The following SBF2 variants were observed in gnomAD, a reference collection of about 807,000 sequenced individuals.
SBF2 encodes the protein SET binding factor 2, also known as myotubularin-related protein 13.
In SBF2, 112 loss-of-function variants were observed where a neutral mutation model predicts 225.2. That is an observed-to-expected ratio of 0.50 (90% confidence interval 0.43 to 0.58). The LOEUF (loss-of-function observed/expected upper bound fraction) is 0.58. SBF2 is among the 20% of genes least tolerant of loss of function. The pLI is 0.00. For missense variants in SBF2, 1,996 were observed against 2,206.2 expected, an observed-to-expected ratio of 0.90 and a Z score of 1.91; for synonymous variants, 763 against 773.3, an observed-to-expected ratio of 0.99 and a Z score of 0.22.
intron 3 of SBF2, among the ~76,000 whole-genome samples, chr11:10,036,882 A>G (rs1949457264): frequency 2.0e-5 from 3 of 152,222 alleles, no homozygotes; most frequent in African/African-American, 7.2e-5. Flanking sequence ...TTGTTTTAAA[A>G]TGAAATAGTA....
At chr11:9,868,188 A>G (rs981854037) in intron 17 of SBF2, among the ~76,000 whole-genome samples, 3 of 152,046 alleles carry the variant, frequency 2.0e-5, no homozygotes, top group African/African-American at 7.2e-5. Flanking sequence ...CAAATTTACA[A>G]TTGTTTTTTA....
Position 9,960,481 on chromosome 11 carries a change from A to G in SBF2, c.1860+1476T>C, listed in dbSNP as rs565633631. ...AGGTATCTATGCATTTTTTGTATCA[A>G]TGGTATGTTATGTGTACATGTCCCA... On this transcript the variant is annotated intron_variant, in intron 16 of 39. Coordinates refer to ENST00000256190, the MANE Select transcript of SBF2 (RefSeq NM_030962.4). 5.3e-5 allele frequency: 8 copies of G among 152,158 alleles called. No individual in the cohort carries two copies. In the East Asian group the frequency reaches 9.7e-4, roughly 18 times the overall value. The allele number at this position is 152,158 out of a possible 1,614,324, so 9.4% of individuals were successfully genotyped here.
chr11:9,837,697 C>G (rs1166730844), intron 26 of SBF2, among the ~76,000 whole-genome samples: 1 of 151,860 alleles, frequency 6.6e-6, no homozygotes, highest in African/African-American at 2.4e-5. Context: ...TACTTTCTAC[C>G]TTTTTATATA....
At chr11:9,988,318 A>T in intron 13 of SBF2, among the ~76,000 whole-genome samples, 1 of 152,152 alleles carries the variant, frequency 6.6e-6, no homozygotes, top group East Asian at 1.9e-4. Flanking sequence ...ATTCTAGAAC[A>T]TTGGAAAAAC....
chr11:10,183,488 C>T (rs2135294522), intron 2 of SBF2, among the ~76,000 whole-genome samples: 1 of 152,256 alleles, frequency 6.6e-6, no homozygotes, highest in East Asian at 1.9e-4. Context: ...TCTAAAAAAT[C>T]TTGGCTTAAC....
At chr11:9,839,973 A>G (rs1856003245) in intron 25 of SBF2, among the ~76,000 whole-genome samples, 1 of 152,264 alleles carries the variant, frequency 6.6e-6, no homozygotes, top group African/African-American at 2.4e-5. Context: ...GTGGTGGCTC[A>G]CGCCTGTAAT....
intron 1 of SBF2, among the ~76,000 whole-genome samples, chr11:10,251,134 T>C (rs1960304425): frequency 6.6e-6 from 1 of 152,358 alleles, no homozygotes; most frequent in Admixed American, 6.5e-5. Context: ...AATAACCTTA[T>C]ACTTTGGTAG....
At chr11:10,021,343 T>C (rs1324833479) in intron 6 of SBF2, among the ~76,000 whole-genome samples, 1 of 152,188 alleles carries the variant, frequency 6.6e-6, no homozygotes, top group Non-Finnish European at 1.5e-5. Context: ...AACCAGTTCC[T>C]GTGAATACAA....
At chr11:10,014,517 A>C (rs974380388) in intron 6 of SBF2, among the ~76,000 whole-genome samples, 6 of 150,080 alleles carry the variant, frequency 4.0e-5, no homozygotes, top group Non-Finnish European at 8.9e-5. Flanking sequence ...AAAAAAAAAA[A>C]AAAAAAAAAA....
chr11:10,304,049 A>C (rs942590527), intron 1 of SBF2, among the ~76,000 whole-genome samples: 2 of 151,936 alleles, frequency 1.3e-5, no homozygotes, highest in African/African-American at 4.8e-5. Flanking sequence ...GCTGCTTCCT[A>C]CCTGCAGGGT....
chr11:10,214,669 C>G (rs1445177296), intron 1 of SBF2, among the ~76,000 whole-genome samples: 1 of 152,082 alleles, frequency 6.6e-6, no homozygotes, highest in African/African-American at 2.4e-5. Flanking sequence ...CCTCTCATAT[C>G]TTTACTTTCC....
At chr11:10,263,923 G>A (rs1284222278) in intron 1 of SBF2, among the ~76,000 whole-genome samples, 1 of 152,060 alleles carries the variant, frequency 6.6e-6, no homozygotes, top group Non-Finnish European at 1.5e-5. Flanking sequence ...ATCCAAACAG[G>A]TCTTAACAAT....
At position 9,816,914 on chromosome 11, in the gene SBF2, T is replaced by C; in HGVS notation, c.3904A>G (p.Ser1302Gly). 1 of 1,614,196 alleles carries C rather than the reference T, an allele frequency of 6.2e-7. No individual in the cohort carries two copies. The highest frequency in any genetic ancestry group is 1.1e-5 in the South Asian group (1 of 91,082). The change falls in exon 29 of 40, where the codon AGC (serine) becomes GGC (glycine). Residue 1302 changes from serine to glycine, a missense_variant. Ser to Gly is a moderately conservative substitution (Grantham distance 56, BLOSUM62 0). Coordinates refer to ENST00000256190, the MANE Select transcript of SBF2 (RefSeq NM_030962.4). ...GKDHSASFSN[S>G]SYLQNQLLKR... ...AAGAGCTGGTTTTGTAGGTAGCTGC[T>C]GTTACTGAAGGAGGCCGAGTGATCC...
At chr11:9,839,090 C>T (rs1855922419) in intron 26 of SBF2, 2 of 285,280 alleles carry the variant, frequency 7.0e-6, no homozygotes, top group Admixed American at 4.9e-5. Context: ...CAACAAGAGA[C>T]TCTATGGCTC....
chr11:10,095,743 T>A (rs1318656757), intron 2 of SBF2, among the ~76,000 whole-genome samples: 2 of 152,202 alleles, frequency 1.3e-5, no homozygotes, highest in Admixed American at 1.3e-4. Flanking sequence ...TAATCACACA[T>A]ACTGATTTTA....
intron 2 of SBF2, among the ~76,000 whole-genome samples, chr11:10,152,097 T>TA (rs1211873444): frequency 6.6e-6 from 1 of 152,244 alleles, no homozygotes; most frequent in East Asian, 1.9e-4. Context: ...GTTCTATTTG[T>TA]AAAAACTATC....
At chr11:10,125,328 C>CT (rs1953699656) in intron 2 of SBF2, among the ~76,000 whole-genome samples, 1 of 151,888 alleles carries the variant, frequency 6.6e-6, no homozygotes, top group Non-Finnish European at 1.5e-5. Flanking sequence ...CCATATTTTC[C>CT]CTTTTTTGCT....
At chr11:9,907,864 T>C (rs1040473172) in intron 16 of SBF2, among the ~76,000 whole-genome samples, 6 of 152,224 alleles carry the variant, frequency 3.9e-5, no homozygotes, top group Admixed American at 3.9e-4. Context: ...CTCGATTAGA[T>C]AGGTACTGTA....
At chr11:9,797,752 C>T (rs951526029) in intron 32 of SBF2, among the ~76,000 whole-genome samples, 4 of 152,142 alleles carry the variant, frequency 2.6e-5, no homozygotes, top group African/African-American at 4.8e-5. Flanking sequence ...GGAAGGATCT[C>T]GAGGCCAGGA....
Sources: gnomAD v4.1 joint callset for allele counts (sites outside exome capture counted in the v4.1 genomes callset) on GRCh38, gnomAD v4.1.1 for gene constraint, MANE v1.5 for transcripts, NCBI Gene and HGNC (gene_info 2026-07-23, HGNC 2026-07-21) for gene names.